Variants in ATF7IP observed in about 807,000 individuals in gnomAD.
ATF7IP encodes activating transcription factor 7-interacting protein 1.
Under a neutral mutation model 106.4 loss-of-function variants are expected in ATF7IP, and 23 were observed. That is an observed-to-expected ratio of 0.22 (90% CI 0.16 to 0.31). The LOEUF is 0.31. ATF7IP is among the 10% of genes least tolerant of loss of function. ATF7IP has a pLI of 1.00. For synonymous variants in ATF7IP, 542 were observed against 539.0 expected (o/e 1.01, Z -0.08); for missense variants, 1,334 against 1,524.3 (o/e 0.88, Z 2.08).
chr12:14,496,124 C>G (rs945440796), intron 13 of ATF7IP, 107 bp from the exon 14 acceptor site: 2 of 693,238 alleles, frequency 2.9e-6, no homozygotes. Context: ...TCTTTCCTTT[C>G]GAATCTTGAA....
chr12:14,410,632 T>G (rs1591810028), intron 1 of ATF7IP, among the ~76,000 whole-genome samples: 2 of 152,192 alleles, frequency 1.3e-5, no homozygotes, highest in African/African-American at 4.8e-5. Flanking sequence ...GTTTCTAAGA[T>G]CTATAGTAAG....
chr12:14,368,606 T>TA (rs1234444405), intron 1 of ATF7IP, among the ~76,000 whole-genome samples: 4 of 152,208 alleles, frequency 2.6e-5, no homozygotes, highest in Admixed American at 6.5e-5. Flanking sequence ...GCAAAATTGA[T>TA]AAAAACTTTT....
intron 5 of ATF7IP, among the ~76,000 whole-genome samples, chr12:14,442,964 G>T (rs1942781041): frequency 6.6e-6 from 1 of 152,138 alleles, no homozygotes. Flanking sequence ...AGACCAGCCT[G>T]GCCAACATAG....
At chr12:14,477,154 C>T (rs921994508) in intron 11 of ATF7IP, among the ~76,000 whole-genome samples, 11 of 152,134 alleles carry the variant, frequency 7.2e-5, no homozygotes, top group Admixed American at 6.5e-4. Context: ...TTCTTATTAT[C>T]TTAAAGACAT....
At chr12:14,413,016 AAAAC>A (rs967162699) in intron 1 of ATF7IP, among the ~76,000 whole-genome samples, 1 of 152,244 alleles carries the variant, frequency 6.6e-6, no homozygotes, top group African/African-American at 2.4e-5. Flanking sequence ...CATGTCTCAA[AAAAC>A]AAACAAAAAG....
At chr12:14,487,838 A>G (rs1207032372) in intron 13 of ATF7IP, among the ~76,000 whole-genome samples, 1 of 152,224 alleles carries the variant, frequency 6.6e-6, no homozygotes, top group Non-Finnish European at 1.5e-5. Flanking sequence ...CACTGAACTT[A>G]GGAGGAACCG....
chr12:14,465,548 T>A lies in ATF7IP; in HGVS notation c.2798-978T>A, dbSNP rs11055988. Among the ~76,000 whole-genome samples the A allele has an allele frequency of 5.7e-3, 869 of 151,742 alleles. 9 individuals are homozygous for A. Among genetic ancestry groups the A allele is most frequent in the African/African-American group, 0.019 (789 of 41,496 alleles). On this transcript the variant is annotated intron_variant, in intron 9 of 14. Coordinates refer to ENST00000261168, the MANE Select transcript of ATF7IP (RefSeq NM_018179.5). The stretch of plus-strand genomic sequence containing the variant: ...TTGAATATATTTTTAAATAAATAGA[T>A]AATATATTAATATTCTTCTTACAAA...
At chr12:14,370,531 A>C (rs1163569733) in intron 1 of ATF7IP, among the ~76,000 whole-genome samples, 1 of 152,168 alleles carries the variant, frequency 6.6e-6, no homozygotes, top group Admixed American at 6.6e-5. Context: ...AAGAAAAAAA[A>C]GCCAGCTAAT....
At chr12:14,492,875 C>A (rs983163207) in intron 13 of ATF7IP, among the ~76,000 whole-genome samples, 1 of 152,188 alleles carries the variant, frequency 6.6e-6, no homozygotes, top group Admixed American at 6.5e-5. Flanking sequence ...AATTAGAGGG[C>A]TCTTCAGAGA....
intron 4 of ATF7IP, among the ~76,000 whole-genome samples, chr12:14,437,240 A>G (rs1056488347): frequency 6.6e-6 from 1 of 152,196 alleles, no homozygotes; most frequent in Non-Finnish European, 1.5e-5. Context: ...CTAGTTTTTC[A>G]AGGTCTTATA....
chr12:14,460,438 CT>C (rs1943593204), intron 8 of ATF7IP, 56 bp from the exon 9 acceptor site: 2 of 1,460,360 alleles, frequency 1.4e-6, no homozygotes, highest in African/African-American at 2.9e-5. Context: ...GTCATATTTT[CT>C]TAGTTGATAA....
chr12:14,464,888 T>C (rs1045131818), intron 9 of ATF7IP, among the ~76,000 whole-genome samples: 4 of 152,200 alleles, frequency 2.6e-5, no homozygotes, highest in Non-Finnish European at 5.9e-5. Flanking sequence ...CTTGCATCTT[T>C]AGGAATTTTC....
rs576355942 is a variant in ATF7IP at position 14,473,200 on chromosome 12, C to G, written c.2863-2690C>G. Among the ~76,000 whole-genome samples, 137 of 150,576 alleles carry G rather than the reference C, an allele frequency of 9.1e-4. 1 individual carries two copies. The highest frequency in any genetic ancestry group is 3.1e-3 in the African/African-American group (128 of 40,926). ...TCTTTTTTTGTTGGTTTCTGTGTAC[C>G]TTCTTTCCTGCTTTATTTTGTATCA... On this transcript the variant is annotated intron_variant, in intron 10 of 14. Coordinates refer to ENST00000261168, the MANE Select transcript of ATF7IP (RefSeq NM_018179.5).
At chr12:14,447,321 G>A (rs575011536) in intron 6 of ATF7IP, among the ~76,000 whole-genome samples, 10 of 122,640 alleles carry the variant, frequency 8.2e-5, no homozygotes, top group South Asian at 2.6e-4. Context: ...TCTCTCTGTC[G>A]CCCAGGCTGG....
At chr12:14,410,801 A>T (rs1040087618) in intron 1 of ATF7IP, among the ~76,000 whole-genome samples, 1 of 152,168 alleles carries the variant, frequency 6.6e-6, no homozygotes, top group Admixed American at 6.5e-5. Context: ...GTTCAGTACT[A>T]TCCAGTTTCA....
chr12:14,489,663 T>C (rs1944743396), intron 13 of ATF7IP, among the ~76,000 whole-genome samples: 1 of 152,188 alleles, frequency 6.6e-6, no homozygotes, highest in African/African-American at 2.4e-5. Context: ...TGTCACCTAG[T>C]TGGCATTGTA....
intron 1 of ATF7IP, among the ~76,000 whole-genome samples, chr12:14,415,617 C>T (rs2136514923): frequency 6.6e-6 from 1 of 151,132 alleles, no homozygotes; most frequent in Non-Finnish European, 1.5e-5. Context: ...GTGAAAGTGT[C>T]AAATATTATG....
intron 1 of ATF7IP, among the ~76,000 whole-genome samples, chr12:14,412,230 A>G (rs1014423675): frequency 1.7e-4 from 26 of 151,944 alleles, no homozygotes; most frequent in Non-Finnish European, 5.9e-5. Flanking sequence ...CTCCAAGTTT[A>G]TTTTTCTTCT....
intron 1 of ATF7IP, among the ~76,000 whole-genome samples, chr12:14,393,684 A>G (rs1480520623): frequency 2.6e-5 from 4 of 152,138 alleles, no homozygotes; most frequent in African/African-American, 9.6e-5. Context: ...AATATTTTGG[A>G]TAACCCCTAG....
Sources: allele counts gnomAD v4.1 joint callset (sites outside exome capture counted in the v4.1 genomes callset), GRCh38; gene constraint gnomAD v4.1.1; transcripts MANE v1.5; gene names NCBI Gene and HGNC (gene_info 2026-07-23, HGNC 2026-07-21).